The following CUX1 variants were observed in gnomAD, a reference collection of about 807,000 sequenced individuals.
The protein encoded by CUX1 is protein CASP.
Under a neutral mutation model 158.8 loss-of-function variants are expected in CUX1, and 31 were observed. The ratio of observed to expected loss-of-function variants is 0.20; its 90% CI spans 0.15 to 0.26. CUX1 has a LOEUF of 0.26. CUX1 is among the 10% of genes least tolerant of loss of function. The probability of loss-of-function intolerance (pLI) is 1.00; values close to 1 mark genes in which losing one functional copy is unlikely to be tolerated. For missense variants in CUX1, 1,589 were observed against 2,014.6 expected (o/e 0.79, Z 4.04); for synonymous variants, 879 against 862.1 (o/e 1.02, Z -0.34).
chr7:102,206,618 C>G (rs1795969696), intron 20 of CUX1, among the ~76,000 whole-genome samples: 1 of 152,136 alleles, frequency 6.6e-6, no homozygotes, highest in Non-Finnish European at 1.5e-5. Flanking sequence ...CTTGTTAGAC[C>G]AGGTGCGGTG....
At position 102,248,817 on chromosome 7, in the gene CUX1, C is replaced by T. The variant is rs112321979; in HGVS notation, c.4293C>T (p.Gly1431=). The part of the protein sequence containing the change: ...ATSAAAAPGE[G]PAAPSSAPPP... ...CAGCCGCCGCCGCGCCGGGGGAGGG[C>T]CCCGCGGCCCCGAGCTCCGCGCCGC... The change falls in exon 24 of 24, where the codon GGC becomes GGT. Residue 1431 remains glycine (G), a synonymous_variant. Coordinates refer to ENST00000292535, the MANE Select transcript of CUX1 (RefSeq NM_181552.4). The surrounding 1 kb of genome is among the most constrained non-coding windows in gnomAD (Gnocchi z 5.8). 8.8e-6 allele frequency: 10 copies of T among 1,133,446 alleles called. No individual in the cohort carries two copies. Among genetic ancestry groups the T allele is most frequent in the Non-Finnish European group, 8.7e-6 (8 of 923,558 alleles). 70.2% of individuals were successfully genotyped at this position (1,133,446 alleles called of 1,614,324 possible). A position where few individuals can be genotyped will look rare whatever the true frequency, so the allele number is the denominator to read the frequency against.
intron 14 of CUX1, among the ~76,000 whole-genome samples, 200 bp downstream of exon 14, chr7:102,195,803 A>T (rs1475886463): frequency 6.6e-6 from 1 of 152,128 alleles, no homozygotes; most frequent in Non-Finnish European, 1.5e-5. Context: ...TTAAAGCTGG[A>T]TGTCGAGACG....
chr7:101,874,283 T>C (rs1455744920), intron 1 of CUX1, among the ~76,000 whole-genome samples: 2 of 152,210 alleles, frequency 1.3e-5, no homozygotes, highest in Non-Finnish European at 2.9e-5. Flanking sequence ...TTGGTGTCTC[T>C]CTCTGAGGAA....
intron 8 of CUX1, among the ~76,000 whole-genome samples, chr7:102,132,510 G>C (rs1229082815): frequency 2.0e-5 from 3 of 150,446 alleles, no homozygotes; most frequent in Non-Finnish European, 4.4e-5. Flanking sequence ...TTCTTCCTCT[G>C]CCCGACCATA....
intron 1 of CUX1, among the ~76,000 whole-genome samples, chr7:101,838,257 G>A (rs1201188061): frequency 6.6e-6 from 1 of 151,620 alleles, no homozygotes; most frequent in African/African-American, 2.4e-5. Flanking sequence ...AGCCTCCTGA[G>A]TAGCTGGGAC....
chr7:102,002,551 C>A (rs888696561), intron 2 of CUX1, among the ~76,000 whole-genome samples: 1 of 152,168 alleles, frequency 6.6e-6, no homozygotes, highest in African/African-American at 2.4e-5. Flanking sequence ...GCGAGAGTTC[C>A]GAGTGGCCAG....
Position 102,274,113 on chromosome 7 carries a change from A to G in CUX1, c.1384-131A>G. 3.6e-6 allele frequency: 3 copies of G among 839,938 alleles called. No individual in the cohort carries two copies. The South Asian group carries it at 4.2e-5, about 12-fold the overall frequency. The allele number at this position is 839,938 out of a possible 1,614,324, so 52.0% of individuals were successfully genotyped here. Reference sequence around the variant, plus strand: ...TCCAGGTCCGGGCCCTCCTGCAGCCAGCCTGCACCCCGGATGGCCCCACCC... The same window carrying G: ...TCCAGGTCCGGGCCCTCCTGCAGCCGGCCTGCACCCCGGATGGCCCCACCC... On this transcript the variant is annotated intron_variant, in intron 15 of 22. Transcript: ENST00000292538.
Position 102,189,428 on chromosome 7 carries a change from C to T in CUX1, c.1018-385C>T, listed in dbSNP as rs529116151. ...AAAGAGGTAGGGTCTCCACTCCTCACTCTGTCACCCAGGCTGGAGTGCAGC... is the reference window on the plus strand; with the variant it reads ...AAAGAGGTAGGGTCTCCACTCCTCATTCTGTCACCCAGGCTGGAGTGCAGC... On this transcript the variant is annotated intron_variant, in intron 11 of 23. Transcript: ENST00000292535. 2.7e-4 allele frequency among the ~76,000 whole-genome samples: 39 copies of T among 143,888 alleles called. No individual in the cohort carries two copies. In the South Asian group the frequency reaches 8.5e-3, roughly 31 times the overall value. The allele number at this position is 143,888 out of a possible 152,430, so 94.4% of individuals were successfully genotyped here.
chr7:102,133,039 TCCC>T lies in CUX1; in HGVS notation c.674+17767_674+17769del, dbSNP rs1554497839. ...AACTTGACCCTCTGCCACCAGTATC[TCCC>T]TGGACAAAACCACCCTCCAAGCATC... On this transcript the variant is annotated intron_variant, in intron 8 of 23. Transcript: ENST00000292535. 2.4e-4 allele frequency among the ~76,000 whole-genome samples: 36 copies of T among 152,256 alleles called. No homozygotes were observed. The South Asian group carries it at 6.2e-3, about 26-fold the overall frequency.
intron 2 of CUX1, among the ~76,000 whole-genome samples, chr7:102,000,290 A>G (rs1376153002): frequency 6.6e-6 from 1 of 152,042 alleles, no homozygotes; most frequent in African/African-American, 2.4e-5. Flanking sequence ...ATTGAGACAC[A>G]TGTGTCTTAA....
At chr7:101,923,433 C>A (rs1290533705) in intron 2 of CUX1, among the ~76,000 whole-genome samples, 2 of 152,128 alleles carry the variant, frequency 1.3e-5, no homozygotes, top group Non-Finnish European at 2.9e-5. Flanking sequence ...ATCATGAAAC[C>A]ATCCCCAGCC....
intron 8 of CUX1, among the ~76,000 whole-genome samples, chr7:102,129,718 G>A (rs1056272834): frequency 6.6e-6 from 1 of 152,092 alleles, no homozygotes; most frequent in Non-Finnish European, 1.5e-5. Context: ...TAATAATCTA[G>A]TAACTAACTG....
At chr7:102,099,383 G>T (rs1554485535) in intron 5 of CUX1, among the ~76,000 whole-genome samples, 2 of 152,078 alleles carry the variant, frequency 1.3e-5, no homozygotes, top group African/African-American at 4.8e-5. Context: ...AGCATTTCTT[G>T]CCAGAATCAC....
chr7:102,193,991 T>G, intron 13 of CUX1, 101 bp downstream of exon 13: 1 of 1,151,556 alleles, frequency 8.7e-7, no homozygotes, highest in Non-Finnish European at 1.3e-6. Context: ...CTACGAGACC[T>G]CTCACTTACA....
At position 102,253,202 on chromosome 7, in the gene CUX1, CCA is replaced by C. The variant is rs1178233703; in HGVS notation, c.*4161_*4162del. ...AGGTCTGCTGGTTGGCGGTCCGGGCCCAGAGTGCAGCAGAGCTCTGGGTTAAA... is the reference window on the plus strand; with the variant it reads ...AGGTCTGCTGGTTGGCGGTCCGGGCCGAGTGCAGCAGAGCTCTGGGTTAAA... On this transcript the variant is annotated 3_prime_UTR_variant, in exon 24 of 24. Coordinates refer to ENST00000292535, the MANE Select transcript of CUX1 (RefSeq NM_181552.4). 1 of 985,354 alleles carries C rather than the reference CCA, an allele frequency of 1.0e-6. No homozygotes were observed. The highest frequency in any genetic ancestry group is 1.2e-6 in the Non-Finnish European group (1 of 829,992). 61.0% of individuals were successfully genotyped at this position (985,354 alleles called of 1,614,324 possible). A position where few individuals can be genotyped will look rare whatever the true frequency, so the allele number is the denominator to read the frequency against.
intron 18 of CUX1, among the ~76,000 whole-genome samples, chr7:102,278,404 A>G (rs1791763602): frequency 1.3e-5 from 2 of 152,012 alleles, no homozygotes; most frequent in African/African-American, 2.4e-5. Flanking sequence ...AGCCTGGCCA[A>G]TATGGTGAAA....
At chr7:101,861,500 G>C (rs1385757579) in intron 1 of CUX1, among the ~76,000 whole-genome samples, 1 of 152,120 alleles carries the variant, frequency 6.6e-6, no homozygotes, top group Non-Finnish European at 1.5e-5. Context: ...ATGCACTGCA[G>C]ATGCTGGGCT....
chr7:102,196,696 C>T lies in CUX1; in HGVS notation c.1285C>T (p.Pro429Ser). The T allele has an allele frequency of 1.9e-6, 3 of 1,606,754 alleles. No individual in the cohort carries two copies. Among genetic ancestry groups the T allele is most frequent in the Non-Finnish European group, 2.6e-6 (3 of 1,175,540 alleles). The change falls in exon 15 of 24, where the codon CCC (proline) becomes TCC (serine). Residue 429 changes from proline to serine, a missense_variant. Transcript: ENST00000292535. ...TCGGCGCCCGGGATCTTTGCCGGCC[C>T]CCCCTCCTTCTCAGTTGCCCCGCAA... Reference protein sequence around the residue: ...ESRRPGSLPAPPPSQLPRNPG... With the variant: ...ESRRPGSLPASPPSQLPRNPG...
At chr7:102,031,569 T>G (rs1487945253) in intron 3 of CUX1, among the ~76,000 whole-genome samples, 1 of 152,144 alleles carries the variant, frequency 6.6e-6, no homozygotes, top group Admixed American at 6.6e-5. Context: ...ATACATAAAA[T>G]TATCATAGAT....
Sources: gnomAD v4.1 joint callset for allele counts (sites outside exome capture counted in the v4.1 genomes callset) on GRCh38, gnomAD v4.1.1 for gene constraint, Gnocchi (gnomAD v3.1) non-coding constraint, MANE v1.5 for transcripts, NCBI Gene and HGNC (gene_info 2026-07-23, HGNC 2026-07-21) for gene names.